Variants in PCDHA3 observed in about 807,000 individuals in gnomAD.
PCDHA3 encodes protocadherin alpha 3.
PCDHA3 carries 41 observed loss-of-function variants against 62.2 expected under a neutral mutation model. The observed-to-expected ratio is 0.66, with a 90% CI of 0.51 to 0.86. The LOEUF is 0.86. PCDHA3 is among the 40% of genes least tolerant of loss of function. The probability of loss-of-function intolerance (pLI) is 0.00; values close to 1 mark genes in which losing one functional copy is unlikely to be tolerated. For synonymous variants in PCDHA3, 640 were observed against 555.4 expected (o/e 1.15, Z -2.14); for missense variants, 1,304 against 1,241.2 (o/e 1.05, Z -0.76).
intron 1 of PCDHA3, chr5:140,862,550 G>C: frequency 2.2e-6 from 1 of 458,462 alleles, no homozygotes. Flanking sequence ...GGAAGTGGCC[G>C]AACAGTGAAC....
intron 1 of PCDHA3, chr5:140,843,329 G>T: frequency 6.3e-7 from 1 of 1,596,060 alleles, no homozygotes; most frequent in Non-Finnish European, 8.6e-7. Context: ...GGTGTCGCTG[G>T]TGGAGAGCGG....
chr5:140,874,732 C>T (rs1338972564), intron 1 of PCDHA3, among the ~76,000 whole-genome samples: 1 of 152,186 alleles, frequency 6.6e-6, no homozygotes, highest in Non-Finnish European at 1.5e-5. Context: ...TTATCACATT[C>T]AAGCATCAAG....
At chr5:140,875,474 T>C (rs1369376569) in intron 1 of PCDHA3, 1 of 1,606,582 alleles carries the variant, frequency 6.2e-7, no homozygotes, top group Non-Finnish European at 8.5e-7. Flanking sequence ...TTTTCTGCAA[T>C]GGTGATTATC....
intron 1 of PCDHA3, chr5:140,834,284 A>T: frequency 8.6e-7 from 1 of 1,167,116 alleles, no homozygotes; most frequent in Non-Finnish European, 1.2e-6. Flanking sequence ...TTGGATGCAC[A>T]ACAATGGCCA....
intron 1 of PCDHA3, chr5:140,871,575 A>C (rs974047385): frequency 1.4e-6 from 2 of 1,477,482 alleles, no homozygotes; most frequent in Non-Finnish European, 1.8e-6. Flanking sequence ...GGATTTTTTA[A>C]GGGAAAGTTT....
intron 1 of PCDHA3, chr5:140,852,649 T>C (rs1206238129): frequency 3.1e-6 from 3 of 960,206 alleles, no homozygotes; most frequent in African/African-American, 3.6e-5. Context: ...TAAACCTATC[T>C]ATATCTGTCT....
At chr5:140,808,396 T>C (rs1764160889) in intron 1 of PCDHA3, 1 of 1,614,162 alleles carries the variant, frequency 6.2e-7, no homozygotes, top group Non-Finnish European at 8.5e-7. Context: ...CCTTCAAGAA[T>C]TACTACTCGT....
chr5:140,805,955 T>C (rs1428044937), intron 1 of PCDHA3, among the ~76,000 whole-genome samples: 1 of 152,146 alleles, frequency 6.6e-6, no homozygotes, highest in East Asian at 1.9e-4. Context: ...ATTAAACAAT[T>C]AAGATACAAC....
At chr5:140,998,522 A>G (rs2097818629) in intron 3 of PCDHA3, among the ~76,000 whole-genome samples, 1 of 151,980 alleles carries the variant, frequency 6.6e-6, no homozygotes, top group South Asian at 2.1e-4. Context: ...TATTATTCAT[A>G]TTTATATCCC....
At chr5:140,850,903 G>T (rs781893598) in intron 1 of PCDHA3, 1 of 1,560,860 alleles carries the variant, frequency 6.4e-7, no homozygotes, top group Non-Finnish European at 8.7e-7. Context: ...GGTTTTTCTA[G>T]CATTTTATTT....
chr5:140,850,692 G>A lies in PCDHA3; in HGVS notation c.2394+47101G>A, dbSNP rs2150494456. The A allele has an allele frequency of 1.9e-6, 3 of 1,598,344 alleles. 1 individual carries two copies. The Admixed American group carries it at 5.1e-5, about 27-fold the overall frequency. On this transcript the variant is annotated intron_variant, in intron 1 of 3. Transcript: ENST00000522353. ...GGCGATGCCCACCGAGGGCGAGTGC[G>A]CGCCTGGCAAGCCGACGCTGGTGTG...
chr5:140,829,581 G>A, intron 1 of PCDHA3: 2 of 1,612,280 alleles, frequency 1.2e-6, no homozygotes, highest in Non-Finnish European at 1.7e-6. Flanking sequence ...CTGGTGGAGC[G>A]GCGGGTGGGC....
intron 1 of PCDHA3, chr5:140,828,179 C>T (rs1377583653): frequency 4.3e-6 from 7 of 1,614,050 alleles, no homozygotes; most frequent in Non-Finnish European, 5.1e-6. Flanking sequence ...GGGGAGCGGC[C>T]AGCTCCACTA....
In PCDHA3 at chr5:140,857,500, G is replaced by A; in HGVS notation, c.2394+53909G>A. On this transcript the variant is annotated intron_variant, in intron 1 of 3. Transcript: ENST00000522353. The stretch of plus-strand genomic sequence containing the variant: ...TGTCTGCGTGGGACGCGGACGCGCA[G>A]GAGAACGCCCTGGTGTCCTACTCTC... 1.3e-6 allele frequency: 2 copies of A among 1,598,362 alleles called. 1 individual carries two copies. Among genetic ancestry groups the A allele is most frequent in the Non-Finnish European group, 1.7e-6 (2 of 1,167,860 alleles).
intron 1 of PCDHA3, chr5:140,884,824 T>C: frequency 1.0e-6 from 1 of 993,590 alleles, no homozygotes; most frequent in Non-Finnish European, 1.4e-6. Context: ...ACATTATGTG[T>C]TGGATTATCC....
intron 1 of PCDHA3, chr5:140,827,959 T>C: frequency 7.6e-7 from 1 of 1,307,212 alleles, no homozygotes; most frequent in Non-Finnish European, 1.1e-6. Flanking sequence ...AAATTTCTTC[T>C]ATTACTGCAT....
chr5:140,965,401 A>C (rs546046699), intron 1 of PCDHA3, among the ~76,000 whole-genome samples: 1 of 152,166 alleles, frequency 6.6e-6, no homozygotes, highest in Non-Finnish European at 1.5e-5. Flanking sequence ...AAGTCTAAGG[A>C]GTCTTATATT....
At chr5:140,927,360 T>G in intron 1 of PCDHA3, 1 of 1,613,972 alleles carries the variant, frequency 6.2e-7, no homozygotes, top group Non-Finnish European at 8.5e-7. Flanking sequence ...AGGGAAGCAA[T>G]GGGATACTAA....
At chr5:140,980,852 T>G (rs1233523507) in intron 2 of PCDHA3, among the ~76,000 whole-genome samples, 5 of 152,184 alleles carry the variant, frequency 3.3e-5, no homozygotes, top group African/African-American at 1.2e-4. Flanking sequence ...TACTAATCTT[T>G]TTCGTATGTG....
Sources: gnomAD v4.1 joint callset for allele counts (sites outside exome capture counted in the v4.1 genomes callset) on GRCh38, gnomAD v4.1.1 for gene constraint, MANE v1.5 for transcripts, NCBI Gene and HGNC (gene_info 2026-07-23, HGNC 2026-07-21) for gene names.